Variants in B4GALNT2 observed in about 807,000 individuals in gnomAD.
B4GALNT2 encodes the protein beta-1,4-N-acetyl-galactosaminyltransferase 2 (SID blood group).
In B4GALNT2, 42 loss-of-function variants were observed where a neutral mutation model predicts 51.1. That is an observed-to-expected ratio of 0.82 (90% confidence interval 0.64 to 1.06). The LOEUF (loss-of-function observed/expected upper bound fraction) is 1.06. Among genes scored for constraint, B4GALNT2 ranks in the 50% least tolerant of loss-of-function variants. The pLI is 0.00. For synonymous variants in B4GALNT2, 253 were observed against 251.7 expected, an observed-to-expected ratio of 1.01 and a Z score of -0.05; for missense variants, 602 against 633.6, an observed-to-expected ratio of 0.95 and a Z score of 0.54.
chr17:49,140,359 C>T (rs1017435513), intron 1 of B4GALNT2, among the ~76,000 whole-genome samples: 1 of 152,126 alleles, frequency 6.6e-6, no homozygotes. Flanking sequence ...CTTGGCCTCC[C>T]GAAGTGCTGG....
chr17:49,124,433 A>G, the B4GALNT2 span, among the ~76,000 whole-genome samples: 1 of 152,244 alleles, frequency 6.6e-6, no homozygotes, highest in African/African-American at 2.4e-5. Context: ...GGGTAGCCAT[A>G]GTTAAAGTCA....
intron 6 of B4GALNT2, among the ~76,000 whole-genome samples, chr17:49,160,144 A>G (rs879138627): frequency 6.6e-6 from 1 of 152,220 alleles, no homozygotes; most frequent in Admixed American, 6.5e-5. Flanking sequence ...CACTAGCTAA[A>G]GAGATAGTTC....
upstream of B4GALNT2, among the ~76,000 whole-genome samples, chr17:49,129,907 C>T (rs1469066043): frequency 2.0e-5 from 3 of 152,140 alleles, no homozygotes; most frequent in African/African-American, 7.2e-5. Context: ...GGTTTTTGAT[C>T]AAGGTGAACT....
intron 5 of B4GALNT2, 97 bp from the exon 6 acceptor site, chr17:49,158,940 G>A: frequency 1.4e-6 from 2 of 1,393,850 alleles, no homozygotes; most frequent in Admixed American, 1.8e-5. Context: ...ACCCTTATGT[G>A]CTCTGCCCTG....
rs1055314105 is a variant in B4GALNT2, at chr17:49,176,250, G to A, written c.*6522G>A. On this transcript the variant is annotated 3_prime_UTR_variant, in exon 11 of 11. Transcript: ENST00000393354. ...AGACCCTAACCCAGCGGCGCTAGAG[G>A]AATTAAAGACACACACACAGAAATA... is the stretch of plus-strand genomic sequence containing the variant. The A allele has an allele frequency of 3.3e-5, 5 of 152,200 alleles. No homozygotes were observed. Among genetic ancestry groups the A allele is most frequent in the Admixed American group, 6.5e-5 (1 of 15,280 alleles). The allele number at this position is 152,200 out of a possible 1,614,324, so 9.4% of individuals were successfully genotyped here.
rs1439016792 is a variant in B4GALNT2 at position 49,159,256 on chromosome 17, C to A, written c.679+39C>A. ...CTTGGAGTGCAAAATGCTTAGGGATCCAGAAGATACCTCTGGGCCCTTTCA... is the reference window on the plus strand; with the variant it reads ...CTTGGAGTGCAAAATGCTTAGGGATACAGAAGATACCTCTGGGCCCTTTCA... On this transcript the variant is annotated intron_variant, in intron 6 of 10. Transcript: ENST00000393354. 1.9e-6 allele frequency: 3 copies of A among 1,589,906 alleles called. No individual in the cohort carries two copies. The Admixed American group carries it at 5.0e-5, about 27-fold the overall frequency.
chr17:49,142,209 G>A (rs756324945), intron 3 of B4GALNT2, 37 bp downstream of exon 3: 2 of 1,612,290 alleles, frequency 1.2e-6, no homozygotes, highest in Admixed American at 1.7e-5. Flanking sequence ...GTTCTGAGAT[G>A]GAACAAAAGC....
rs1317922486 is a variant in B4GALNT2, at chr17:49,173,409, G to C, written c.*3681G>C. ...TGAAGCCCTTACTTTTCAAGCCAGA[G>C]TTAGAAGCTTTACCATTACTAGACC... On this transcript the variant is annotated 3_prime_UTR_variant, in exon 11 of 11. Transcript: ENST00000393354. 2.0e-5 allele frequency: 3 copies of C among 152,202 alleles called. No individual in the cohort carries two copies. The highest frequency in any genetic ancestry group is 7.2e-5 in the African/African-American group (3 of 41,450). 9.4% of individuals were successfully genotyped at this position (152,202 alleles called of 1,614,324 possible).
At chr17:49,147,378 C>CTTTTTTT (rs749384820) in intron 3 of B4GALNT2, among the ~76,000 whole-genome samples, 1 of 104,854 alleles carries the variant, frequency 9.5e-6, no homozygotes, top group African/African-American at 3.0e-5. Flanking sequence ...TTCTTTCTTT[C>CTTTTTTT]TTTTTTTTTT....
At chr17:49,163,945 A>T (rs2042886679) in intron 7 of B4GALNT2, 143 bp from the exon 8 acceptor site, 1 of 724,082 alleles carries the variant, frequency 1.4e-6, no homozygotes, top group African/African-American at 1.8e-5. Flanking sequence ...ACAAACTCTT[A>T]TTAAGCACCT....
rs766229484 is a variant in B4GALNT2 at position 49,168,859 on chromosome 17, G to C, written c.1274G>C (p.Arg425Thr). 1 of 1,613,280 alleles carries C rather than the reference G, an allele frequency of 6.2e-7. No individual in the cohort carries two copies. Among genetic ancestry groups the C allele is most frequent in the Non-Finnish European group, 8.5e-7 (1 of 1,179,998 alleles). ...CTGGCCCACACGGAGCGACTCCAAA[G>C]AGTTGGCTTTGATCCCCGCCTGCAA... The part of the protein sequence containing the change: ...FFLAHTERLQ[R>T]VGFDPRLQRV... Residue 425 changes from arginine (R) to threonine (T), a missense_variant, in exon 10 of 11, where the codon AGA (arginine) becomes ACA (threonine). Transcript: ENST00000393354.
chr17:49,150,218 C>T (rs1280884074), intron 3 of B4GALNT2, among the ~76,000 whole-genome samples: 9 of 140,668 alleles, frequency 6.4e-5, no homozygotes, highest in South Asian at 2.4e-4. Context: ...GCCCCCCGCC[C>T]GGCCAGCCGC....
In B4GALNT2 at chr17:49,132,797, C is replaced by T. The variant is rs368875307; in HGVS notation, c.5C>T (p.Thr2Ile). The T allele has an allele frequency of 4.9e-5, 67 of 1,376,896 alleles. No individual in the cohort carries two copies. The East Asian group carries it at 1.5e-3, about 31-fold the overall frequency. 85.3% of individuals were successfully genotyped at this position (1,376,896 alleles called of 1,614,324 possible). ...CTGAGGGCGGCGGGATTCGGGATGA[C>T]TTCGGGCGGGTGAGTGTCCCCGGGG... The part of the protein sequence containing the change: M[T>I]SGGSRFLWLL... The change falls in exon 1 of 11, where the codon ACT becomes ATT. Residue 2 changes from threonine to isoleucine, a missense_variant. Coordinates refer to ENST00000393354, the MANE Select transcript of B4GALNT2 (RefSeq NM_001159387.2).
chr17:49,147,460 C>T (rs1387225780), intron 3 of B4GALNT2, among the ~76,000 whole-genome samples: 1 of 151,442 alleles, frequency 6.6e-6, no homozygotes. Flanking sequence ...CTGCAACCTC[C>T]ACTTTCTGGG....
chr17:49,138,469 G>A (rs2042610021), intron 1 of B4GALNT2, among the ~76,000 whole-genome samples: 1 of 152,160 alleles, frequency 6.6e-6, no homozygotes, highest in South Asian at 2.1e-4. Context: ...ACCTTTGTAG[G>A]GTAGTGGTTA....
Position 49,172,814 on chromosome 17 carries a change from A to G in B4GALNT2, c.*3086A>G, listed in dbSNP as rs2144352875. The G allele has an allele frequency of 6.6e-6, 1 of 152,288 alleles. No individual in the cohort carries two copies. Among genetic ancestry groups the G allele is most frequent in the African/African-American group, 2.4e-5 (1 of 41,554 alleles). 9.4% of individuals were successfully genotyped at this position (152,288 alleles called of 1,614,324 possible). ...CTCTCCTGATTGGCATGTAGCCCAG[A>G]CAAAGTGAGAAAAGGTGTCCACACA... On this transcript the variant is annotated 3_prime_UTR_variant, in exon 11 of 11. Coordinates refer to ENST00000393354, the MANE Select transcript of B4GALNT2 (RefSeq NM_001159387.2).
chr17:49,120,715 G>C, the B4GALNT2 span, among the ~76,000 whole-genome samples: 2 of 151,782 alleles, frequency 1.3e-5, no homozygotes, highest in African/African-American at 4.8e-5. Context: ...TCTCCATGTC[G>C]GCCAGGCTGG....
At chr17:49,148,609 A>G in intron 3 of B4GALNT2, 1 of 506,722 alleles carries the variant, frequency 2.0e-6, no homozygotes, top group Non-Finnish European at 3.8e-6. Context: ...TACGCGTAGA[A>G]ATGTCTCCAG....
chr17:49,149,047 C>G (rs1461149654), intron 3 of B4GALNT2: 1 of 144,360 alleles, frequency 6.9e-6, no homozygotes. Flanking sequence ...AGAGCGAGAC[C>G]TTGTCTCAAA....
Sources: allele counts gnomAD v4.1 joint callset (sites outside exome capture counted in the v4.1 genomes callset), GRCh38; gene constraint gnomAD v4.1.1; transcripts MANE v1.5; gene names NCBI Gene and HGNC (gene_info 2026-07-23, HGNC 2026-07-21).